The following DUSP11 variants were observed in gnomAD, a reference collection of about 807,000 sequenced individuals.
DUSP11 encodes the protein dual specificity phosphatase 11.
In DUSP11, 27 loss-of-function variants were observed where a neutral mutation model predicts 41.4. The ratio of observed to expected loss-of-function variants is 0.65; its 90% CI spans 0.48 to 0.90. The LOEUF is 0.90. Ranked by LOEUF, DUSP11 falls within the 40% of genes least tolerant of loss-of-function variation. DUSP11 has a pLI of 0.00. For missense variants in DUSP11, 465 were observed against 461.1 expected (o/e 1.01, Z -0.08); for synonymous variants, 188 against 159.3 (o/e 1.18, Z -1.35).
intron 6 of DUSP11, 119 bp downstream of exon 6, chr2:73,767,042 A>C (rs571327243): frequency 7.9e-7 from 1 of 1,260,096 alleles, no homozygotes; most frequent in African/African-American, 1.5e-5. Context: ...TGGCAAGACT[A>C]TCTTATATTG....
At chr2:73,764,368 A>G (rs1672417983) in intron 8 of DUSP11, among the ~76,000 whole-genome samples, 1 of 152,164 alleles carries the variant, frequency 6.6e-6, no homozygotes, top group Non-Finnish European at 1.5e-5. Context: ...GGGCCCAAGC[A>G]GTCCTCCCAC....
At chr2:73,775,137 G>A (rs538940682) in intron 2 of DUSP11, 93 bp from the exon 3 acceptor site, 50 of 1,066,318 alleles carry the variant, frequency 4.7e-5, no homozygotes, top group South Asian at 1.3e-4. Context: ...AACATACAAC[G>A]AGATTCAAAG....
chr2:73,777,616 C>T (rs142372714), intron 2 of DUSP11, among the ~76,000 whole-genome samples: 3 of 152,148 alleles, frequency 2.0e-5, no homozygotes, highest in African/African-American at 4.8e-5. Context: ...CTGATTGTGA[C>T]CATGGAAGGA....
chr2:73,765,849 T>G (rs1000782872), intron 8 of DUSP11, among the ~76,000 whole-genome samples: 1 of 152,216 alleles, frequency 6.6e-6, no homozygotes, highest in Non-Finnish European at 1.5e-5. Flanking sequence ...TCCTTTTTGA[T>G]AGCCACATCA....
intron 1 of DUSP11, chr2:73,779,663 C>G: frequency 2.7e-6 from 2 of 752,502 alleles, no homozygotes; most frequent in Non-Finnish European, 4.3e-6. Flanking sequence ...CAGAACCTCC[C>G]TTTTACAAGA....
intron 2 of DUSP11, among the ~76,000 whole-genome samples, chr2:73,776,916 T>C (rs77005800): frequency 8.9e-4 from 135 of 152,356 alleles, no homozygotes; most frequent in Non-Finnish European, 1.6e-3. Context: ...GATCAATATA[T>C]AACATGTATC....
intron 5 of DUSP11, chr2:73,768,390 C>T (rs1353465167): frequency 4.2e-6 from 4 of 942,716 alleles, no homozygotes; most frequent in Admixed American, 6.2e-5. Flanking sequence ...TGCTAACACG[C>T]AGCACACTGC....
chr2:73,766,635 A>T, intron 7 of DUSP11, 41 bp from the exon 8 acceptor site: 1 of 1,558,498 alleles, frequency 6.4e-7, no homozygotes. Context: ...CTGGTTTCCA[A>T]ATTTAGTAGT....
chr2:73,779,719 A>C (rs1573187726), intron 1 of DUSP11, 155 bp downstream of exon 1: 1 of 1,140,198 alleles, frequency 8.8e-7, no homozygotes, highest in Non-Finnish European at 1.2e-6. Context: ...CCTTTCAGCT[A>C]CAGCGGGTGG....
chr2:73,767,301 T>C, intron 5 of DUSP11, 94 bp from the exon 6 acceptor site: 1 of 909,114 alleles, frequency 1.1e-6, no homozygotes, highest in Non-Finnish European at 1.8e-6. Flanking sequence ...TAGACATAGA[T>C]ATAAAAATCC....
intron 2 of DUSP11, among the ~76,000 whole-genome samples, chr2:73,776,274 G>T (rs2103948272): frequency 6.6e-6 from 1 of 151,984 alleles, no homozygotes; most frequent in Admixed American, 6.6e-5. Context: ...AATTAGCCAG[G>T]CGTGGTGGCA....
At chr2:73,778,935 G>A (rs1040189494) in intron 1 of DUSP11, among the ~76,000 whole-genome samples, 1 of 152,066 alleles carries the variant, frequency 6.6e-6, no homozygotes, top group South Asian at 2.1e-4. Context: ...ATCACCTGAG[G>A]TCAGGAGTTC....
At chr2:73,776,214 A>G (rs950467882) in intron 2 of DUSP11, among the ~76,000 whole-genome samples, 3 of 151,930 alleles carry the variant, frequency 2.0e-5, no homozygotes, top group Non-Finnish European at 4.4e-5. Context: ...GGAGATCGAG[A>G]CCATCCTGGC....
intron 2 of DUSP11, 27 bp from the exon 3 acceptor site, chr2:73,775,071 A>C: frequency 6.3e-7 from 1 of 1,598,122 alleles, no homozygotes; most frequent in South Asian, 1.1e-5. Flanking sequence ...AATAAGAGCA[A>C]ATATGTGCTT....
intron 4 of DUSP11, among the ~76,000 whole-genome samples, chr2:73,772,012 G>T (rs1231656239): frequency 2.0e-5 from 3 of 149,438 alleles, no homozygotes; most frequent in African/African-American, 7.4e-5. Flanking sequence ...AGTAGAGATG[G>T]GGTTTCACCG....
intron 5 of DUSP11, chr2:73,767,904 G>C (rs1672501262): frequency 6.6e-6 from 1 of 152,150 alleles, no homozygotes; most frequent in African/African-American, 2.4e-5. Context: ...AAATTTGAAT[G>C]TGTTCCCCAC....
intron 2 of DUSP11, among the ~76,000 whole-genome samples, chr2:73,776,181 G>A (rs1392725755): frequency 7.9e-5 from 12 of 151,842 alleles, no homozygotes; most frequent in East Asian, 2.0e-4. Context: ...TTGGGAGGCC[G>A]AGGCAGGAGG....
At chr2:73,778,057 A>G (rs1055737331) in intron 2 of DUSP11, among the ~76,000 whole-genome samples, 3 of 151,810 alleles carry the variant, frequency 2.0e-5, no homozygotes, top group Non-Finnish European at 4.4e-5. Context: ...ATTGAAATAA[A>G]TATTATTTTA....
At chr2:73,767,340 CAGTTATTAAAGAAT>C in intron 5 of DUSP11, 133 bp from the exon 6 acceptor site, 1 of 702,464 alleles carries the variant, frequency 1.4e-6, no homozygotes, top group Non-Finnish European at 2.4e-6. Context: ...TCAAATCCAG[CAGTTATTAAAGAAT>C]GACATACCAT....
Sources: gnomAD v4.1 joint callset for allele counts (sites outside exome capture counted in the v4.1 genomes callset) on GRCh38, gnomAD v4.1.1 for gene constraint, MANE v1.5 for transcripts, NCBI Gene and HGNC (gene_info 2026-07-23, HGNC 2026-07-21) for gene names.